ZMYND8: variants seen among roughly 807,000 people sequenced by gnomAD.
ZMYND8 encodes zinc finger MYND-type containing 8.
In ZMYND8, 37 loss-of-function variants were observed where a neutral mutation model predicts 140.8. The observed-to-expected ratio is 0.26, with a 90% CI of 0.20 to 0.35. The LOEUF is 0.35. ZMYND8 is among the 10% of genes least tolerant of loss of function. The pLI is 1.00. For missense variants in ZMYND8, 1,068 were observed against 1,570.0 expected (o/e 0.68, Z 5.40); for synonymous variants, 592 against 597.1 (o/e 0.99, Z 0.12).
rs188169708 is a variant in ZMYND8 at position 47,296,764 on chromosome 20, T to A, written c.453+1965A>T. ...TGAGCCTAGGAGTTCAAGACCAGCC[T>A]AGGTAACATAGCAAGACCCTGTCTC... On this transcript the variant is annotated intron_variant, in intron 4 of 22. Coordinates refer to ENST00000471951, the MANE Select transcript of ZMYND8 (RefSeq NM_001281775.3). 2.4e-3 allele frequency among the ~76,000 whole-genome samples: 360 copies of A among 152,180 alleles called. 2 individuals carry two copies. Among genetic ancestry groups the A allele is most frequent in the African/African-American group, 7.2e-3 (301 of 41,534 alleles).
rs1325639011 is a variant in ZMYND8 at position 47,300,881 on chromosome 20, A to ATT, written c.235-1936_235-1935dup. ...AGGTGAGCGCCACCATGCACAACTA[A>ATT]TTTTGTGTGTGTGTGTGTGTGTGTG... On this transcript the variant is annotated intron_variant, in intron 3 of 22. Coordinates refer to ENST00000471951, the MANE Select transcript of ZMYND8 (RefSeq NM_001281775.3). 5.8e-5 allele frequency among the ~76,000 whole-genome samples: 6 copies of ATT among 103,452 alleles called. 1 individual carries two copies. The highest frequency in any genetic ancestry group is 3.1e-4 in the South Asian group (1 of 3,274). The allele number at this position is 103,452 out of a possible 152,430, so 67.9% of individuals were successfully genotyped here. A position where few individuals can be genotyped will look rare whatever the true frequency, so the allele number is the denominator to read the frequency against.
intron 8 of ZMYND8, among the ~76,000 whole-genome samples, chr20:47,285,032 T>C (rs1484901608): frequency 6.6e-6 from 1 of 152,210 alleles, no homozygotes; most frequent in Non-Finnish European, 1.5e-5. Context: ...AGTGTGCTGG[T>C]ATCATTCTAA....
intron 2 of ZMYND8, among the ~76,000 whole-genome samples, chr20:47,327,503 AAT>A (rs1271982898): frequency 6.7e-6 from 1 of 148,230 alleles, no homozygotes; most frequent in African/African-American, 2.6e-5. Context: ...AAAATACAAA[AAT>A]ATTAGCCAGG....
intron 4 of ZMYND8, among the ~76,000 whole-genome samples, chr20:47,296,423 G>C (rs2077639431): frequency 6.6e-6 from 1 of 152,076 alleles, no homozygotes; most frequent in Admixed American, 6.6e-5. Flanking sequence ...CTTTCTGCTT[G>C]ATAAAAAGAG....
rs753678233 is a variant in ZMYND8 at position 47,276,321 on chromosome 20, C to G, written c.1473G>C (p.Lys491Asn). 5 of 1,561,560 alleles carry G rather than the reference C, an allele frequency of 3.2e-6. No homozygotes were observed. The African/African-American group carries it at 4.1e-5, about 13-fold the overall frequency. ...ASEESMDFLD[K>N]STASPASTKT... ...CCCCCGCACGGAGCTGACCTGTGCT[C>G]TTATCCAGGAAGTCCATGGACTCCT... is the stretch of plus-strand genomic sequence containing the variant. The change falls in exon 11 of 23, where the codon AAG becomes AAC. Residue 491 changes from lysine (K) to asparagine (N), a missense_variant. Transcript: ENST00000471951.
chr20:47,276,369 C>T lies in ZMYND8; in HGVS notation c.1425G>A (p.Thr475=), dbSNP rs201900667. The change falls in exon 11 of 23, where the codon ACG becomes ACA. Residue 475 remains threonine, a synonymous_variant. Transcript: ENST00000471951. ...DVEQDAEKKA[T]SSHFSASEES... Reference sequence around the variant, plus strand: ...CCTCGCTCGCACTGAAGTGGCTCGACGTGGCCTTCTTCTCAGCATCCTGCT... The same window carrying T: ...CCTCGCTCGCACTGAAGTGGCTCGATGTGGCCTTCTTCTCAGCATCCTGCT... 1.6e-5 allele frequency: 26 copies of T among 1,603,304 alleles called. No individual in the cohort carries two copies. The highest frequency in any genetic ancestry group is 1.1e-4 in the African/African-American group (8 of 74,878).
chr20:47,243,390 GAATCATCTTCAGCTT>G (rs2147250829), intron 14 of ZMYND8, among the ~76,000 whole-genome samples: 1 of 152,332 alleles, frequency 6.6e-6, no homozygotes, highest in East Asian at 1.9e-4. Context: ...CTGTGTTTTA[GAATCATCTTCAGCTT>G]AATTGTCCAC....
chr20:47,318,632 C>T (rs2079617154), intron 2 of ZMYND8: 1 of 427,214 alleles, frequency 2.3e-6, no homozygotes, highest in Non-Finnish European at 4.7e-6. Context: ...TGATTATTTC[C>T]TCCAACGCTG....
At chr20:47,212,585 C>G (rs2035439318) in intron 22 of ZMYND8, 57 bp downstream of exon 22, 2 of 1,575,206 alleles carry the variant, frequency 1.3e-6, no homozygotes, top group African/African-American at 1.4e-5. Context: ...ACAGAACAAG[C>G]CTTCTGCATA....
chr20:47,231,668 G>A (rs2038502734), intron 16 of ZMYND8, among the ~76,000 whole-genome samples: 1 of 152,208 alleles, frequency 6.6e-6, no homozygotes, highest in East Asian at 1.9e-4. Flanking sequence ...CTCCCGGCTT[G>A]CTGCGGAGCC....
intron 21 of ZMYND8, among the ~76,000 whole-genome samples, chr20:47,215,145 G>A (rs2035891345): frequency 6.6e-6 from 1 of 152,196 alleles, no homozygotes; most frequent in Non-Finnish European, 1.5e-5. Context: ...GGCCGAGGCA[G>A]GTGGATTGCC....
At chr20:47,223,454 G>T (rs757449814) in intron 19 of ZMYND8, among the ~76,000 whole-genome samples, 2 of 151,944 alleles carry the variant, frequency 1.3e-5, no homozygotes, top group Non-Finnish European at 2.9e-5. Flanking sequence ...GCAGTGAGCC[G>T]AGATCGTGTC....
At position 47,255,732 on chromosome 20, in the gene ZMYND8, A is replaced by G. The variant is rs1451693805; in HGVS notation, c.1622-6293T>C. Among the ~76,000 whole-genome samples, 225 of 30,730 alleles carry G rather than the reference A, an allele frequency of 7.3e-3. 8 individuals carry two copies. The highest frequency in any genetic ancestry group is 0.021 in the African/African-American group (127 of 6,140). 20.2% of individuals were successfully genotyped at this position (30,730 alleles called of 152,430 possible). A position where few individuals can be genotyped will look rare whatever the true frequency, so the allele number is the denominator to read the frequency against. On this transcript the variant is annotated intron_variant, in intron 12 of 22. Coordinates refer to ENST00000471951, the MANE Select transcript of ZMYND8 (RefSeq NM_001281775.3). ...ATACCGTGTATGTGTGTATATATATATATATATATATATATATATATATAT... is the reference window on the plus strand; with the variant it reads ...ATACCGTGTATGTGTGTATATATATGTATATATATATATATATATATATAT...
chr20:47,216,719 A>C (rs1033722983), intron 21 of ZMYND8, among the ~76,000 whole-genome samples: 1 of 152,058 alleles, frequency 6.6e-6, no homozygotes, highest in African/African-American at 2.4e-5. Flanking sequence ...AGGCAGGAGA[A>C]TCACTTGAAC....
chr20:47,294,771 T>G lies in ZMYND8; in HGVS notation c.462A>C (p.Thr154=), dbSNP rs1026623972. 2 of 1,613,940 alleles carry G rather than the reference T, an allele frequency of 1.2e-6. No individual in the cohort carries two copies. Among genetic ancestry groups the G allele is most frequent in the Admixed American group, 1.7e-5 (1 of 60,004 alleles). ...TCTGGGTCTCGATGCATTCTGCTAC[T>G]GTAATTTTCTACAAAGTCAAAGTCA... ...DWFCPECEKI[T]VAECIETQSK... The change falls in exon 5 of 23, where the codon ACA becomes ACC. Residue 154 remains threonine (T), a synonymous_variant. Transcript: ENST00000471951.
intron 2 of ZMYND8, among the ~76,000 whole-genome samples, chr20:47,316,170 A>C (rs537883497): frequency 1.3e-5 from 2 of 152,116 alleles, no homozygotes; most frequent in South Asian, 4.2e-4. Context: ...GTCTCTACTA[A>C]AAATACAAAA....
intron 13 of ZMYND8, among the ~76,000 whole-genome samples, chr20:47,246,861 C>G (rs1383497395): frequency 6.6e-6 from 1 of 152,180 alleles, no homozygotes; most frequent in Non-Finnish European, 1.5e-5. Flanking sequence ...ACAGCAGGGA[C>G]AAGCTGTTCA....
chr20:47,211,848 T>C (rs2035308874), intron 22 of ZMYND8, among the ~76,000 whole-genome samples: 1 of 151,966 alleles, frequency 6.6e-6, no homozygotes, highest in East Asian at 1.9e-4. Flanking sequence ...GGGCTGCATT[T>C]CTTACTGCCT....
intron 3 of ZMYND8, among the ~76,000 whole-genome samples, chr20:47,307,298 A>G (rs2078566681): frequency 6.7e-6 from 1 of 148,424 alleles, no homozygotes; most frequent in East Asian, 2.0e-4. Context: ...CAAAACTACA[A>G]AAAAAAAAAA....
Sources: gnomAD v4.1 joint callset for allele counts (sites outside exome capture counted in the v4.1 genomes callset) on GRCh38, gnomAD v4.1.1 for gene constraint, MANE v1.5 for transcripts, NCBI Gene and HGNC (gene_info 2026-07-23, HGNC 2026-07-21) for gene names.